Variants in PIK3AP1 observed in about 807,000 individuals in gnomAD.
PIK3AP1 encodes the protein phosphoinositide 3-kinase adapter protein 1.
PIK3AP1 carries 21 observed loss-of-function variants against 88.1 expected under a neutral mutation model. The observed-to-expected ratio is 0.24, with a 90% CI of 0.17 to 0.34. PIK3AP1 has a LOEUF of 0.34. Ranked by LOEUF, PIK3AP1 falls within the 10% of genes least tolerant of loss-of-function variation. The probability of loss-of-function intolerance (pLI) is 1.00; values close to 1 mark genes in which losing one functional copy is unlikely to be tolerated. For missense variants in PIK3AP1, 828 were observed against 1,035.7 expected (o/e 0.80, Z 2.75); for synonymous variants, 398 against 400.0 (o/e 1.00, Z 0.06).
rs568201920 is a variant in PIK3AP1, at chr10:96,642,165, C to T, written c.1375+3308G>A. Among the ~76,000 whole-genome samples, 109 of 152,238 alleles carry T rather than the reference C, an allele frequency of 7.2e-4. 2 individuals are homozygous for T. The South Asian group carries it at 0.022, about 31-fold the overall frequency. ...GTGGGCCGGGCATGGTGCCTCACGC[C>T]TGTAATCCCGGCACTTTGGGAGGCC... is the stretch of plus-strand genomic sequence containing the variant. On this transcript the variant is annotated intron_variant, in intron 8 of 16. Transcript: ENST00000339364.
chr10:96,662,213 G>C (rs929213541), intron 2 of PIK3AP1, among the ~76,000 whole-genome samples: 1 of 152,152 alleles, frequency 6.6e-6, no homozygotes, highest in Non-Finnish European at 1.5e-5. Flanking sequence ...AATGAGGTAT[G>C]TCCATATAAT....
chr10:96,625,328 G>A (rs1218456731), intron 10 of PIK3AP1, among the ~76,000 whole-genome samples: 1 of 152,074 alleles, frequency 6.6e-6, no homozygotes, highest in African/African-American at 2.4e-5. Flanking sequence ...TGACAGGTAG[G>A]GTCCAGCCAA....
chr10:96,648,073 G>C (rs1417025101), intron 7 of PIK3AP1, among the ~76,000 whole-genome samples: 2 of 152,212 alleles, frequency 1.3e-5, no homozygotes, highest in Non-Finnish European at 2.9e-5. Context: ...TAGAAAGAGA[G>C]AGCGAGGCTG....
rs267602652 is a variant in PIK3AP1 at position 96,651,630 on chromosome 10, G to A, written c.734C>T (p.Ser245Phe). ...KAPNLSSGNV[S>F]LKIYSGDLVV... ...TAAGTCTCCAGAATATATCTTCAGA[G>A]AAACGTTCCCAGATGAAAGGTCTGA... The change falls in exon 5 of 17, where the codon TCT becomes TTT. Residue 245 changes from serine to phenylalanine, a missense_variant. This residue lies in a region of PIK3AP1 where 610 missense variants were observed against 760.1 expected (regional missense o/e 0.80). Transcript: ENST00000339364. 1 of 1,614,094 alleles carries A rather than the reference G, an allele frequency of 6.2e-7. No individual in the cohort carries two copies. Among genetic ancestry groups the A allele is most frequent in the Non-Finnish European group, 8.5e-7 (1 of 1,179,988 alleles).
At chr10:96,642,850 G>T (rs898265683) in intron 8 of PIK3AP1, among the ~76,000 whole-genome samples, 5 of 152,214 alleles carry the variant, frequency 3.3e-5, no homozygotes, top group African/African-American at 9.7e-5. Context: ...AACATCCAGG[G>T]GGACAGCAAG....
Position 96,720,362 on chromosome 10 carries a change from C to A in PIK3AP1, c.13+20G>T. The A allele has an allele frequency of 8.0e-7, 1 of 1,242,252 alleles. No homozygotes were observed. Among genetic ancestry groups the A allele is most frequent in the Non-Finnish European group, 1.0e-6 (1 of 987,826 alleles). The allele number at this position is 1,242,252 out of a possible 1,614,324, so 77.0% of individuals were successfully genotyped here. ...GAGAGGGGCCGGGAGCCCGGGGACCCGCGGCGCCTGCCTACCCACCTGAGG... is the reference window on the plus strand; with the variant it reads ...GAGAGGGGCCGGGAGCCCGGGGACCAGCGGCGCCTGCCTACCCACCTGAGG... On this transcript the variant is annotated intron_variant, in intron 1 of 16. Transcript: ENST00000339364. This position sits in a 1 kb window ranked among gnomAD's most constrained non-coding sequence, Gnocchi z 4.6.
At chr10:96,635,935 C>T (rs975811651) in intron 8 of PIK3AP1, among the ~76,000 whole-genome samples, 1 of 151,682 alleles carries the variant, frequency 6.6e-6, no homozygotes, top group Non-Finnish European at 1.5e-5. Context: ...AGGCCGGGCA[C>T]GGTGGCTCAC....
At chr10:96,612,983 T>TATATATATA (rs1235766797) in intron 13 of PIK3AP1, among the ~76,000 whole-genome samples, 2 of 31,918 alleles carry the variant, frequency 6.3e-5, no homozygotes, top group African/African-American at 2.7e-4. Context: ...TATATATATA[T>TATATATATA]TTTTTTTTTT....
At chr10:96,700,817 C>G (rs1296960567) in intron 2 of PIK3AP1, 1 of 985,604 alleles carries the variant, frequency 1.0e-6, no homozygotes, top group Non-Finnish European at 1.2e-6. Flanking sequence ...TGCGAGGCCA[C>G]GACACCGAGC....
intron 8 of PIK3AP1, among the ~76,000 whole-genome samples, chr10:96,642,443 A>C (rs1341814773): frequency 3.3e-5 from 4 of 122,802 alleles, no homozygotes; most frequent in Non-Finnish European, 5.3e-5. Context: ...AAAAAAAAAA[A>C]CAGAAAGAAA....
intron 1 of PIK3AP1, among the ~76,000 whole-genome samples, chr10:96,718,661 G>T (rs936075316): frequency 6.6e-6 from 1 of 152,164 alleles, no homozygotes; most frequent in East Asian, 1.9e-4. Flanking sequence ...TAGCTCCTTC[G>T]GCTGTGTCCA....
At chr10:96,670,027 T>G (rs1419828621) in intron 2 of PIK3AP1, among the ~76,000 whole-genome samples, 1 of 151,036 alleles carries the variant, frequency 6.6e-6, no homozygotes, top group Non-Finnish European at 1.5e-5. Context: ...ATACAAAAAT[T>G]AGCCGGGCGT....
intron 1 of PIK3AP1, among the ~76,000 whole-genome samples, chr10:96,711,068 A>C (rs956695028): frequency 6.6e-6 from 1 of 152,220 alleles, no homozygotes; most frequent in Non-Finnish European, 1.5e-5. Flanking sequence ...ACAAAGCACA[A>C]ATGCCAAAAA....
rs538381371 is a variant in PIK3AP1, at chr10:96,713,412, G to A, written c.14-3429C>T. The stretch of plus-strand genomic sequence containing the variant: ...CCAGCTACTCAGGAGGCTGAGGCAG[G>A]AGAATGGCATGGACCTGGGAGGCGG... On this transcript the variant is annotated intron_variant, in intron 1 of 16. Transcript: ENST00000339364. Among the ~76,000 whole-genome samples the A allele has an allele frequency of 4.0e-5, 6 of 151,436 alleles. No individual in the cohort carries two copies. In the South Asian group the frequency reaches 8.4e-4, roughly 21 times the overall value.
In PIK3AP1 at chr10:96,660,932, C is replaced by T. The variant is rs12243875; in HGVS notation, c.431-3998G>A. On this transcript the variant is annotated intron_variant, in intron 2 of 16. Coordinates refer to ENST00000339364, the MANE Select transcript of PIK3AP1 (RefSeq NM_152309.3). The stretch of plus-strand genomic sequence containing the variant: ...AGGCATGGTGGCTCACCCCTGTAAT[C>T]CCAGCACTTTGGGAGGCCAAGGTAG... Among the ~76,000 whole-genome samples, 847 of 152,272 alleles carry T rather than the reference C, an allele frequency of 5.6e-3. 9 individuals carry two copies. Among genetic ancestry groups the T allele is most frequent in the African/African-American group, 0.019 (794 of 41,548 alleles).
At chr10:96,628,875 C>CAGACACACATATATACATATAT (rs1564961141) in intron 8 of PIK3AP1, among the ~76,000 whole-genome samples, 2 of 90,908 alleles carry the variant, frequency 2.2e-5, no homozygotes, top group African/African-American at 8.7e-5. Context: ...CATATATACA[C>CAGACACACATATATACATATAT]ATATATATAT....
Position 96,648,685 on chromosome 10 carries a change from G to C in PIK3AP1, c.1159C>G (p.Leu387Val). The change falls in exon 7 of 17, where the codon CTG becomes GTG. Residue 387 changes from leucine (L) to valine (V), a missense_variant. Leu to Val is a conservative substitution (Grantham distance 32). This residue lies in a region of PIK3AP1 where 610 missense variants were observed against 760.1 expected (regional missense o/e 0.80). Coordinates refer to ENST00000339364, the MANE Select transcript of PIK3AP1 (RefSeq NM_152309.3). Reference protein sequence around the residue: ...TIAEKHGFRDLRQFIDEYVET... With the variant: ...TIAEKHGFRDVRQFIDEYVET... The stretch of plus-strand genomic sequence containing the variant: ...ACATACTCGTCGATGAACTGCCGCA[G>C]GTCCCTGAAGCCGTGTTTCTCAGCG... 1.9e-6 allele frequency: 3 copies of C among 1,609,108 alleles called. No homozygotes were observed. The highest frequency in any genetic ancestry group is 2.5e-6 in the Non-Finnish European group (3 of 1,178,000).
At chr10:96,707,168 C>T (rs1235971586) in intron 2 of PIK3AP1, among the ~76,000 whole-genome samples, 1 of 152,212 alleles carries the variant, frequency 6.6e-6, no homozygotes, top group Non-Finnish European at 1.5e-5. Context: ...GAACTACAGT[C>T]TTTGGTAAAA....
In PIK3AP1 at chr10:96,637,587, C is replaced by A. The variant is rs114426024; in HGVS notation, c.1375+7886G>T. Among the ~76,000 whole-genome samples, 394 of 152,112 alleles carry A rather than the reference C, an allele frequency of 2.6e-3. 2 individuals carry two copies. The highest frequency in any genetic ancestry group is 8.9e-3 in the African/African-American group (369 of 41,506). ...CTGATCTTGAACTACTATACTCAAGCGATCTGCCCACTTTGGCCTCCCAAA... is the reference window on the plus strand; with the variant it reads ...CTGATCTTGAACTACTATACTCAAGAGATCTGCCCACTTTGGCCTCCCAAA... On this transcript the variant is annotated intron_variant, in intron 8 of 16. Transcript: ENST00000339364.
Sources: allele counts gnomAD v4.1 joint callset (sites outside exome capture counted in the v4.1 genomes callset), GRCh38; gene constraint gnomAD v4.1.1; regional missense constraint gnomAD v4.1.1; non-coding constraint Gnocchi (gnomAD v3.1); transcripts MANE v1.5; gene names NCBI Gene and HGNC (gene_info 2026-07-23, HGNC 2026-07-21).